Variants in RAI1 observed in about 807,000 individuals in gnomAD.
RAI1 encodes retinoic acid induced 1, also known as retinoic acid-induced protein 1.
RAI1 carries 9 observed loss-of-function variants against 123.8 expected under a neutral mutation model. That is an observed-to-expected ratio of 0.07 (90% CI 0.04 to 0.13). The LOEUF (loss-of-function observed/expected upper bound fraction) is 0.13, where lower values mean the gene tolerates loss of function less well. Ranked by LOEUF, RAI1 falls within the 10% of genes least tolerant of loss-of-function variation. The pLI is 1.00. For missense variants in RAI1, 2,256 were observed against 2,545.8 expected (o/e 0.89, Z 2.45); for synonymous variants, 1,231 against 1,127.3 (o/e 1.09, Z -1.84).
At chr17:17,785,783 C>T (rs2031806863) in intron 2 of RAI1, among the ~76,000 whole-genome samples, 1 of 152,184 alleles carries the variant, frequency 6.6e-6, no homozygotes, top group African/African-American at 2.4e-5. Flanking sequence ...CTTATCTGTG[C>T]TGGTCCCAGA....
At position 17,811,303 on chromosome 17, in the gene RAI1, TTCTTA is replaced by T. The variant is rs2032793602; in HGVS notation, c.*1324_*1328del. 1 of 295,714 alleles carries T rather than the reference TTCTTA, an allele frequency of 3.4e-6. No individual in the cohort carries two copies. The highest frequency in any genetic ancestry group is 2.3e-5 in the African/African-American group (1 of 43,744). 18.3% of individuals were successfully genotyped at this position (295,714 alleles called of 1,614,324 possible). ...ACTGTAAATGTTAAGACGACTAGTG[TTCTTA>T]TTAGTATATTGCTTCACACTGAAGA... is the stretch of plus-strand genomic sequence containing the variant. On this transcript the variant is annotated 3_prime_UTR_variant, in exon 6 of 6. Transcript: ENST00000353383.
chr17:17,790,237 C>G (rs1377418241), intron 2 of RAI1, among the ~76,000 whole-genome samples: 2 of 152,250 alleles, frequency 1.3e-5, no homozygotes, highest in African/African-American at 2.4e-5. Flanking sequence ...TTTCTCCCAG[C>G]AGAGCTGGCA....
intron 2 of RAI1, among the ~76,000 whole-genome samples, chr17:17,724,891 T>C (rs1227967459): frequency 6.6e-6 from 1 of 151,742 alleles, no homozygotes; most frequent in Admixed American, 6.6e-5. Flanking sequence ...TGGAGACCCC[T>C]CCCCACTCCC....
Position 17,685,822 on chromosome 17 carries a change from C to T in RAI1, c.-149+4029C>T, listed in dbSNP as rs1598009976. On this transcript the variant is annotated intron_variant, in intron 1 of 5. Coordinates refer to ENST00000353383, the MANE Select transcript of RAI1 (RefSeq NM_030665.4). This position sits in a 1 kb window ranked among gnomAD's most constrained non-coding sequence, Gnocchi z 4.0. ...GCCCTGTCCTCATTCAGTCCTGTCCCCTCCAGCCACAGCTGGCACCTCCTT... is the reference window on the plus strand; with the variant it reads ...GCCCTGTCCTCATTCAGTCCTGTCCTCTCCAGCCACAGCTGGCACCTCCTT... Among the ~76,000 whole-genome samples, 1 of 152,210 alleles carries T rather than the reference C, an allele frequency of 6.6e-6. No individual in the cohort carries two copies. Among genetic ancestry groups the T allele is most frequent in the Non-Finnish European group, 1.5e-5 (1 of 68,040 alleles).
intron 1 of RAI1, among the ~76,000 whole-genome samples, chr17:17,716,484 CCAT>C (rs1257429790): frequency 6.6e-6 from 1 of 152,028 alleles, no homozygotes; most frequent in African/African-American, 2.4e-5. Flanking sequence ...ATGTATATGC[CCAT>C]GTTTCTGGAT....
chr17:17,779,924 C>T (rs181587704), intron 2 of RAI1, among the ~76,000 whole-genome samples: 13 of 151,188 alleles, frequency 8.6e-5, no homozygotes, highest in Non-Finnish European at 1.8e-4. Flanking sequence ...TGCAGGCACC[C>T]GCCACCTCGC....
intron 2 of RAI1, among the ~76,000 whole-genome samples, chr17:17,748,957 A>T (rs906110317): frequency 2.6e-5 from 4 of 152,270 alleles, no homozygotes; most frequent in African/African-American, 7.2e-5. Context: ...CACCTCAAAG[A>T]ACTGCTGCAT....
intron 4 of RAI1, 159 bp downstream of exon 4, chr17:17,804,008 C>T (rs778416242): frequency 3.8e-6 from 3 of 788,300 alleles, no homozygotes; most frequent in South Asian, 2.9e-5. Flanking sequence ...TCTGCCTAGA[C>T]CTCTGCTGGG....
rs144301553 is a variant in RAI1 at position 17,709,253 on chromosome 17, C to T, written c.-148-14775C>T. ...TGAGGCTGAGAGTACCTAGGGAGAGCAGAGCTGGAGCTGGCTGGGCTCTGG... is the reference window on the plus strand; with the variant it reads ...TGAGGCTGAGAGTACCTAGGGAGAGTAGAGCTGGAGCTGGCTGGGCTCTGG... On this transcript the variant is annotated intron_variant, in intron 1 of 5. Coordinates refer to ENST00000353383, the MANE Select transcript of RAI1 (RefSeq NM_030665.4). 1.8e-3 allele frequency among the ~76,000 whole-genome samples: 274 copies of T among 152,298 alleles called. 2 individuals are homozygous for T. Among genetic ancestry groups the T allele is most frequent in the African/African-American group, 6.4e-3 (265 of 41,554 alleles).
At position 17,693,939 on chromosome 17, in the gene RAI1, T is replaced by A. The variant is rs536974860; in HGVS notation, c.-149+12146T>A. Among the ~76,000 whole-genome samples the A allele has an allele frequency of 1.8e-4, 27 of 152,310 alleles. No homozygotes were observed. The South Asian group carries it at 5.0e-3, about 28-fold the overall frequency. On this transcript the variant is annotated intron_variant, in intron 1 of 5. Transcript: ENST00000353383. ...CTGGCCGAGTCCCAGCTCTGCCACT[T>A]CACTCCTTAACAGATCTGGGCTTGT... is the stretch of plus-strand genomic sequence containing the variant.
At chr17:17,711,742 T>C (rs1915572957) in intron 1 of RAI1, among the ~76,000 whole-genome samples, 1 of 152,002 alleles carries the variant, frequency 6.6e-6, no homozygotes, top group African/African-American at 2.4e-5. Flanking sequence ...TGGGACCTTA[T>C]TGGTAGCTTG....
intron 2 of RAI1, among the ~76,000 whole-genome samples, chr17:17,762,036 C>T (rs2030720060): frequency 6.6e-6 from 1 of 152,164 alleles, no homozygotes; most frequent in South Asian, 2.1e-4. Context: ...CTGCACTGGG[C>T]TCGAGGCTGG....
At chr17:17,684,577 G>A (rs193128213) in intron 1 of RAI1, 56 of 151,038 alleles carry the variant, frequency 3.7e-4, no homozygotes, top group Admixed American at 3.7e-3. Flanking sequence ...AATATATGTA[G>A]TAAAAGTAAA....
intron 3 of RAI1, chr17:17,802,081 C>T (rs1231240343): frequency 8.5e-6 from 4 of 470,862 alleles, no homozygotes; most frequent in South Asian, 3.1e-5. Context: ...ACTTCTCCCT[C>T]CCCGGCCTCA....
At chr17:17,725,641 TA>T (rs903576356) in intron 2 of RAI1, among the ~76,000 whole-genome samples, 4 of 152,058 alleles carry the variant, frequency 2.6e-5, no homozygotes, top group African/African-American at 7.2e-5. Context: ...AGCGAAGGGC[TA>T]GCTGGACTGG....
chr17:17,730,381 G>A (rs747471800), intron 2 of RAI1, among the ~76,000 whole-genome samples: 3 of 152,228 alleles, frequency 2.0e-5, no homozygotes, highest in African/African-American at 7.2e-5. Context: ...CCGCAGGGCC[G>A]GGCAGGCAGT....
intron 1 of RAI1, among the ~76,000 whole-genome samples, chr17:17,700,963 G>T (rs1915203196): frequency 6.6e-6 from 1 of 152,224 alleles, no homozygotes; most frequent in African/African-American, 2.4e-5. Context: ...AGGGTTGAAT[G>T]TGACCTCGCA....
intron 2 of RAI1, among the ~76,000 whole-genome samples, chr17:17,749,598 C>T (rs530328848): frequency 4.6e-5 from 7 of 152,320 alleles, no homozygotes; most frequent in East Asian, 1.9e-4. Flanking sequence ...CATCTTCCCC[C>T]CCTCTTGGTA....
rs747739571 is a variant in RAI1 at position 17,793,224 on chromosome 17, G to T, written c.276G>T (p.Gln92His). 4 of 1,611,820 alleles carry T rather than the reference G, an allele frequency of 2.5e-6. No homozygotes were observed. The East Asian group carries it at 8.9e-5, about 36-fold the overall frequency. Residue 92 changes from glutamine to histidine, a missense_variant, in exon 3 of 6, where the codon CAG (glutamine) becomes CAT (histidine). Transcript: ENST00000353383. ...CCCTGCCCACACAGCAAGGCCTGCA[G>T]GGGAGGCCGGCTTTCCCTGGCTACG... is the stretch of plus-strand genomic sequence containing the variant. ...SKALPTQQGL[Q>H]GRPAFPGYGV...
Sources: allele counts gnomAD v4.1 joint callset (sites outside exome capture counted in the v4.1 genomes callset), GRCh38; gene constraint gnomAD v4.1.1; non-coding constraint Gnocchi (gnomAD v3.1); transcripts MANE v1.5; gene names NCBI Gene and HGNC (gene_info 2026-07-23, HGNC 2026-07-21).